BLTP1: variants seen among roughly 807,000 people sequenced by gnomAD.
The protein encoded by BLTP1 is bridge-like lipid transfer protein family member 1, also known as fragile site-associated protein.
the BLTP1 span, chr4:122,359,768 A>G: frequency 2.0e-6 from 3 of 1,537,722 alleles, no homozygotes; most frequent in Non-Finnish European, 2.6e-6. Context: ...AGGGATTACT[A>G]TGAGCAAAAA....
At chr4:122,192,727 G>A in the BLTP1 span, among the ~76,000 whole-genome samples, 1 of 151,982 alleles carries the variant, frequency 6.6e-6, no homozygotes, top group African/African-American at 2.4e-5. Context: ...TTGGGACTAT[G>A]GGAATTCAGA....
the BLTP1 span, among the ~76,000 whole-genome samples, chr4:122,194,975 TCTC>T: frequency 5.3e-5 from 8 of 152,206 alleles, no homozygotes; most frequent in Admixed American, 2.0e-4. Context: ...GCAATATTTG[TCTC>T]CTCAATTACA....
At chr4:122,345,064 A>G in the BLTP1 span, 1 of 970,878 alleles carries the variant, frequency 1.0e-6, no homozygotes, top group Non-Finnish European at 1.2e-6. Context: ...AAGAATCCAG[A>G]ATACTGAGTA....
At chr4:122,359,396 A>G in the BLTP1 span, 2 of 916,590 alleles carry the variant, frequency 2.2e-6, no homozygotes, top group African/African-American at 1.8e-5. Context: ...ATTATCAATA[A>G]TTGGTACTTA....
the BLTP1 span, chr4:122,214,285 T>A: frequency 1.1e-6 from 1 of 931,120 alleles, no homozygotes; most frequent in Non-Finnish European, 1.3e-6. Context: ...TACCATTATG[T>A]AAAGAAAATT....
the BLTP1 span, chr4:122,226,592 T>G: frequency 2.0e-6 from 3 of 1,519,488 alleles, no homozygotes; most frequent in Non-Finnish European, 2.6e-6. Context: ...GCAGAAGTTT[T>G]AAGACAGTGT....
At chr4:122,257,233 A>G in the BLTP1 span, 11 of 1,610,136 alleles carry the variant, frequency 6.8e-6, no homozygotes, top group Non-Finnish European at 9.3e-6. Context: ...GATTACTTCT[A>G]ACCACATGAT....
the BLTP1 span, chr4:122,345,184 T>C: frequency 3.5e-6 from 1 of 283,696 alleles, no homozygotes; most frequent in Admixed American, 6.5e-5. Context: ...CTGAGATTGC[T>C]AGGTGATTGA....
the BLTP1 span, among the ~76,000 whole-genome samples, chr4:122,303,801 T>G: frequency 6.6e-6 from 1 of 152,326 alleles, no homozygotes; most frequent in African/African-American, 2.4e-5. Flanking sequence ...GAAGAGTTCC[T>G]TCTTATGAAT....
the BLTP1 span, chr4:122,171,883 T>C: frequency 5.1e-6 from 5 of 985,206 alleles, no homozygotes; most frequent in Non-Finnish European, 6.0e-6. Context: ...GGGCGTGATA[T>C]AATGAAAAGA....
At chr4:122,184,693 T>G in the BLTP1 span, 1 of 985,008 alleles carries the variant, frequency 1.0e-6, no homozygotes, top group African/African-American at 1.8e-5. Flanking sequence ...GAAAAAAAGG[T>G]AAAAATGCTG....
the BLTP1 span, chr4:122,261,941 A>G: frequency 1.0e-6 from 1 of 985,402 alleles, no homozygotes; most frequent in Non-Finnish European, 1.2e-6. Context: ...AGGTTAAGAC[A>G]TTTAAGGGCT....
chr4:122,266,319 G>A, the BLTP1 span, among the ~76,000 whole-genome samples: 1 of 152,240 alleles, frequency 6.6e-6, no homozygotes, highest in African/African-American at 2.4e-5. Flanking sequence ...TTACAACCAA[G>A]TGCTTCCATT....
chr4:122,235,525 G>A, the BLTP1 span: 3 of 974,708 alleles, frequency 3.1e-6, no homozygotes, highest in South Asian at 9.5e-5. Context: ...CATAACTCTG[G>A]CCGGGCGTGG....
chr4:122,246,452 A>T, the BLTP1 span: 8 of 606,120 alleles, frequency 1.3e-5, no homozygotes, highest in Admixed American at 5.1e-4. Context: ...ATCTAATGGA[A>T]TGTAAATAGT....
the BLTP1 span, among the ~76,000 whole-genome samples, chr4:122,210,369 A>G: frequency 6.6e-6 from 1 of 152,154 alleles, no homozygotes; most frequent in South Asian, 2.1e-4. Flanking sequence ...TATGATTTAT[A>G]GTTTCCTGAA....
the BLTP1 span, chr4:122,255,998 A>C: frequency 2.1e-6 from 2 of 947,104 alleles, no homozygotes; most frequent in Non-Finnish European, 1.3e-6. Flanking sequence ...ACAGGGACTA[A>C]TTGATGATTG....
the BLTP1 span, chr4:122,307,965 G>A: frequency 2.5e-6 from 4 of 1,613,014 alleles, no homozygotes; most frequent in Admixed American, 1.7e-5. Context: ...TGTTTTGGCT[G>A]AATTATAAGG....
the BLTP1 span, among the ~76,000 whole-genome samples, chr4:122,180,860 G>A: frequency 2.7e-4 from 41 of 152,268 alleles, no homozygotes; most frequent in South Asian, 8.3e-3. Flanking sequence ...TAACAAACAA[G>A]GTTTAGATGT....
Sources: allele counts gnomAD v4.1 joint callset (sites outside exome capture counted in the v4.1 genomes callset), GRCh38; gene constraint gnomAD v4.1.1; transcripts MANE v1.5; gene names NCBI Gene and HGNC (gene_info 2026-07-23, HGNC 2026-07-21).